ZNF567: variants seen among roughly 807,000 people sequenced by gnomAD.
ZNF567 encodes the protein zinc finger protein 567.
In ZNF567, 36 loss-of-function variants were observed where a neutral mutation model predicts 53.9. That is an observed-to-expected ratio of 0.67 (90% CI 0.51 to 0.88). The LOEUF is 0.88. ZNF567 is among the 40% of genes least tolerant of loss of function. ZNF567 has a pLI of 0.00. For missense variants in ZNF567, 619 were observed against 764.7 expected (o/e 0.81, Z 2.25); for synonymous variants, 224 against 260.4 (o/e 0.86, Z 1.35).
At chr19:36,676,509 C>T in the ZNF567 span, among the ~76,000 whole-genome samples, 7 of 152,086 alleles carry the variant, frequency 4.6e-5, no homozygotes, top group African/African-American at 1.4e-4. Flanking sequence ...GCTATGTATA[C>T]CCCACCCTCC....
rs1035048417 is a variant in ZNF567 at position 36,712,639 on chromosome 19, T to C, written c.136+127T>C. On this transcript the variant is annotated intron_variant, in intron 4 of 5. Coordinates refer to ENST00000682579, the MANE Select transcript of ZNF567 (RefSeq NM_001322917.1). Reference sequence around the variant, plus strand: ...TTTTCGTTAGCAGAATGAATGATTGTGTCTTCACTTACCCAGTGCAAGGTG... The same window carrying C: ...TTTTCGTTAGCAGAATGAATGATTGCGTCTTCACTTACCCAGTGCAAGGTG... The C allele has an allele frequency of 4.2e-6, 6 of 1,442,046 alleles. No homozygotes were observed. In the African/African-American group the frequency reaches 8.5e-5, roughly 20 times the overall value. The allele number at this position is 1,442,046 out of a possible 1,614,324, so 89.3% of individuals were successfully genotyped here.
intron 3 of ZNF567, among the ~76,000 whole-genome samples, chr19:36,695,256 C>T (rs900497685): frequency 6.6e-6 from 1 of 151,122 alleles, no homozygotes; most frequent in Non-Finnish European, 1.5e-5. Context: ...AGGCCAGGCG[C>T]GGTGGCTCAC....
intron 2 of ZNF567, among the ~76,000 whole-genome samples, chr19:36,690,734 C>T (rs1397001720): frequency 6.6e-6 from 1 of 152,104 alleles, no homozygotes; most frequent in Non-Finnish European, 1.5e-5. Context: ...GATGATTGTT[C>T]ATTATGATGG....
chr19:36,694,881 G>A lies in ZNF567; in HGVS notation c.9+5G>A. 1 of 1,519,720 alleles carries A rather than the reference G, an allele frequency of 6.6e-7. No individual in the cohort carries two copies. Among genetic ancestry groups the A allele is most frequent in the Non-Finnish European group, 8.8e-7 (1 of 1,142,422 alleles). 94.1% of individuals were successfully genotyped at this position (1,519,720 alleles called of 1,614,324 possible). A position where few individuals can be genotyped will look rare whatever the true frequency, so the allele number is the denominator to read the frequency against. Reference sequence around the variant, plus strand: ...TATCTCAAAACCATGGCTCAGGTAAGGCGATGGTTTCTCTCTCCTTTCTGA... The same window carrying A: ...TATCTCAAAACCATGGCTCAGGTAAAGCGATGGTTTCTCTCTCCTTTCTGA... On this transcript the variant is annotated splice_donor_5th_base_variant and intron_variant, in intron 3 of 5. Coordinates refer to ENST00000682579, the MANE Select transcript of ZNF567 (RefSeq NM_001322917.1).
At chr19:36,698,168 T>C (rs2038989100) in intron 3 of ZNF567, among the ~76,000 whole-genome samples, 1 of 152,064 alleles carries the variant, frequency 6.6e-6, no homozygotes, top group African/African-American at 2.4e-5. Context: ...AGTGAGAACA[T>C]GCGGTGTTTG....
chr19:36,703,149 G>A (rs1353243655), intron 3 of ZNF567, among the ~76,000 whole-genome samples: 1 of 149,998 alleles, frequency 6.7e-6, no homozygotes, highest in Non-Finnish European at 1.5e-5. Flanking sequence ...TAACAGACAG[G>A]ACCCTCAGCT....
intron 3 of ZNF567, among the ~76,000 whole-genome samples, chr19:36,706,690 T>TTTGAGACAGCATCTTGTTC (rs2039510986): frequency 6.6e-6 from 1 of 150,648 alleles, no homozygotes; most frequent in Non-Finnish European, 1.5e-5. Flanking sequence ...TGTTTTTTTT[T>TTTGAGACAGCATCTTGTTC]TGAGACAGGA....
upstream of ZNF567, among the ~76,000 whole-genome samples, chr19:36,683,182 C>A (rs1463514889): frequency 6.6e-6 from 1 of 151,900 alleles, no homozygotes; most frequent in African/African-American, 2.4e-5. Context: ...AGGTGATCCT[C>A]CCATCTCAGC....
upstream of ZNF567, chr19:36,686,911 CT>C (rs1416816522): frequency 3.9e-5 from 6 of 152,180 alleles, no homozygotes; most frequent in African/African-American, 1.4e-4. Context: ...CCAGGATCCC[CT>C]GTGTCAAACA....
upstream of ZNF567, chr19:36,686,045 G>A (rs2038262336): frequency 6.6e-6 from 1 of 152,252 alleles, no homozygotes; most frequent in Non-Finnish European, 1.5e-5. Flanking sequence ...AAGAGAAAAA[G>A]CTGCAAGACT....
At chr19:36,693,895 G>T (rs1162580050) in intron 2 of ZNF567, among the ~76,000 whole-genome samples, 1 of 152,124 alleles carries the variant, frequency 6.6e-6, no homozygotes, top group East Asian at 1.9e-4. Flanking sequence ...AGTCAAATGA[G>T]AAACTATAAA....
At chr19:36,687,955 C>T (rs900588408) in intron 1 of ZNF567, among the ~76,000 whole-genome samples, 1 of 152,054 alleles carries the variant, frequency 6.6e-6, no homozygotes, top group Non-Finnish European at 1.5e-5. Context: ...ACACAACAGG[C>T]GCTCCGTGTG....
chr19:36,685,353 C>T (rs986643856), upstream of ZNF567: 1 of 152,144 alleles, frequency 6.6e-6, no homozygotes, highest in African/African-American at 2.4e-5. Flanking sequence ...ATATCACACC[C>T]CTGAATAATT....
intron 3 of ZNF567, chr19:36,711,571 G>A (rs2039790604): frequency 6.6e-6 from 1 of 152,028 alleles, no homozygotes; most frequent in South Asian, 2.1e-4. Context: ...ATTATCTGAG[G>A]GAAAGTGTCC....
At chr19:36,670,330 T>C in the ZNF567 span, among the ~76,000 whole-genome samples, 1 of 152,194 alleles carries the variant, frequency 6.6e-6, no homozygotes, top group African/African-American at 2.4e-5. Context: ...AGGGCTGTTA[T>C]GGTGGGAGAG....
intron 2 of ZNF567, among the ~76,000 whole-genome samples, chr19:36,692,887 C>T (rs897662331): frequency 3.3e-5 from 5 of 152,144 alleles, no homozygotes; most frequent in Non-Finnish European, 7.3e-5. Context: ...TGTCGTTGGG[C>T]ATGGATTCTG....
Position 36,712,497 on chromosome 19 carries a change from C to T in ZNF567, c.121C>T (p.His41Tyr). 1 of 1,614,086 alleles carries T rather than the reference C, an allele frequency of 6.2e-7. No individual in the cohort carries two copies. Among genetic ancestry groups the T allele is most frequent in the Non-Finnish European group, 8.5e-7 (1 of 1,180,000 alleles). ...YMDVMLENYCHLISVGCHMTK... is the reference protein window; with the variant it reads ...YMDVMLENYCYLISVGCHMTK... ...GGATGTGATGTTGGAAAACTATTGC[C>T]ACCTCATCTCTGTGGGTAAGAAAAA... is the stretch of plus-strand genomic sequence containing the variant. The change falls in exon 4 of 6, where the codon CAC (histidine) becomes TAC (tyrosine). Residue 41 changes from histidine to tyrosine, a missense_variant. Coordinates refer to ENST00000682579, the MANE Select transcript of ZNF567 (RefSeq NM_001322917.1).
intron 3 of ZNF567, among the ~76,000 whole-genome samples, chr19:36,702,766 T>C (rs2039273411): frequency 6.6e-6 from 1 of 152,378 alleles, no homozygotes; most frequent in African/African-American, 2.4e-5. Flanking sequence ...GCCTTGGCTT[T>C]CAGCTCCATC....
chr19:36,688,371 C>A (rs1391631070), intron 1 of ZNF567, among the ~76,000 whole-genome samples: 1 of 151,902 alleles, frequency 6.6e-6, no homozygotes, highest in Non-Finnish European at 1.5e-5. Context: ...CTAAAGTATG[C>A]ATTGTTTAGA....
Sources: gnomAD v4.1 joint callset for allele counts (sites outside exome capture counted in the v4.1 genomes callset) on GRCh38, gnomAD v4.1.1 for gene constraint, MANE v1.5 for transcripts, NCBI Gene and HGNC (gene_info 2026-07-23, HGNC 2026-07-21) for gene names.